The following PHLDB2 variants were observed in gnomAD, a reference collection of about 807,000 sequenced individuals.
The protein encoded by PHLDB2 is pleckstrin homology-like domain family B member 2.
Under a neutral mutation model 123.6 loss-of-function variants are expected in PHLDB2, and 71 were observed. The observed-to-expected ratio is 0.57, with a 90% confidence interval of 0.47 to 0.70. PHLDB2 has a LOEUF of 0.70. Ranked by LOEUF, PHLDB2 falls within the 30% of genes least tolerant of loss-of-function variation. The pLI is 0.00. For missense variants in PHLDB2, 1,446 were observed against 1,519.5 expected (o/e 0.95, Z 0.80); for synonymous variants, 547 against 541.6 (o/e 1.01, Z -0.14).
intron 2 of PHLDB2, among the ~76,000 whole-genome samples, chr3:111,895,181 A>G (rs944052268): frequency 6.6e-6 from 1 of 152,174 alleles, no homozygotes; most frequent in African/African-American, 2.4e-5. Flanking sequence ...GGGGAAACAG[A>G]GCTAAAGTCT....
At chr3:111,770,122 C>T (rs1355118299) in intron 1 of PHLDB2, among the ~76,000 whole-genome samples, 1 of 152,202 alleles carries the variant, frequency 6.6e-6, no homozygotes, top group African/African-American at 2.4e-5. Context: ...CAGAGCCACA[C>T]AGCTGAGAGT....
At chr3:111,927,953 C>G (rs1397442784) in intron 5 of PHLDB2, among the ~76,000 whole-genome samples, 1 of 152,198 alleles carries the variant, frequency 6.6e-6, no homozygotes, top group East Asian at 1.9e-4. Context: ...TTTTAACCAT[C>G]TAGCAGAATA....
At chr3:111,815,876 A>C (rs990342117) in intron 1 of PHLDB2, among the ~76,000 whole-genome samples, 2 of 152,178 alleles carry the variant, frequency 1.3e-5, no homozygotes, top group African/African-American at 4.8e-5. Flanking sequence ...CCTAGGAGGA[A>C]AAAGCAGTTT....
At chr3:111,947,534 A>G (rs2070394402) in intron 9 of PHLDB2, among the ~76,000 whole-genome samples, 1 of 152,276 alleles carries the variant, frequency 6.6e-6, no homozygotes, top group East Asian at 1.9e-4. Context: ...CCAGGTTTTA[A>G]AGCAGTTTAC....
chr3:111,834,154 TATATTATATATGTAATAGAATTATA>T, intron 1 of PHLDB2, among the ~76,000 whole-genome samples: 2 of 75,158 alleles, frequency 2.7e-5, no homozygotes, highest in Non-Finnish European at 5.3e-5. Flanking sequence ...TAGAATTATA[TATATTATATATGTAATAGAATTATA>T]TATATTATAT....
intron 1 of PHLDB2, among the ~76,000 whole-genome samples, chr3:111,762,357 C>T (rs543716892): frequency 1.5e-5 from 2 of 133,012 alleles, no homozygotes; most frequent in African/African-American, 6.1e-5. Flanking sequence ...ACTAGCATTA[C>T]CATATTATTA....
intron 1 of PHLDB2, among the ~76,000 whole-genome samples, chr3:111,873,870 G>A (rs1430554306): frequency 2.0e-5 from 3 of 152,122 alleles, no homozygotes; most frequent in African/African-American, 4.8e-5. Flanking sequence ...CTTGGACCCA[G>A]GAGGGCATAT....
At chr3:111,961,992 C>A (rs932829721) in intron 12 of PHLDB2, 116 bp from the exon 13 acceptor site, 1 of 963,152 alleles carries the variant, frequency 1.0e-6, no homozygotes, top group Non-Finnish European at 1.6e-6. Flanking sequence ...ACAAATTAGA[C>A]CAAGGCCCAA....
At chr3:111,835,103 C>T (rs1271856342) in intron 1 of PHLDB2, among the ~76,000 whole-genome samples, 1 of 152,106 alleles carries the variant, frequency 6.6e-6, no homozygotes, top group Non-Finnish European at 1.5e-5. Context: ...AGAGATTTAC[C>T]ATGAGCCTCT....
In PHLDB2 at chr3:111,911,822, T is replaced by A. The variant is rs1475888623; in HGVS notation, c.1336-1497T>A. The A allele has an allele frequency of 2.2e-5, 20 of 919,404 alleles. 1 individual carries two copies. In the Admixed American group the frequency reaches 4.0e-4, roughly 19 times the overall value. 57.0% of individuals were successfully genotyped at this position (919,404 alleles called of 1,614,324 possible). On this transcript the variant is annotated intron_variant, in intron 2 of 17. Transcript: ENST00000431670. ...GATTACTTTAGAGGGCAAATGTAAG[T>A]CAGATACACCTTAAATATCTGTCTT...
Position 111,782,093 on chromosome 3 carries a change from G to A in PHLDB2, c.-49+49390G>A, listed in dbSNP as rs374656407. Among the ~76,000 whole-genome samples the A allele has an allele frequency of 1.8e-4, 27 of 152,194 alleles. No homozygotes were observed. In the South Asian group the frequency reaches 1.9e-3, roughly 11 times the overall value. On this transcript the variant is annotated intron_variant, in intron 1 of 17. Transcript: ENST00000393923. ...TGACAGGATCCAAGGCCAGGGTCAA[G>A]ATATGGAGATAGGATGTAATAGAGA...
intron 10 of PHLDB2, among the ~76,000 whole-genome samples, chr3:111,951,222 T>C (rs1467541858): frequency 6.6e-6 from 1 of 152,196 alleles, no homozygotes; most frequent in Admixed American, 6.5e-5. Flanking sequence ...GGCCATGAAT[T>C]CTAGCTCTGC....
chr3:111,760,817 G>A (rs1213909618), intron 1 of PHLDB2, among the ~76,000 whole-genome samples: 1 of 152,088 alleles, frequency 6.6e-6, no homozygotes, highest in Non-Finnish European at 1.5e-5. Flanking sequence ...TATCTTTTGT[G>A]ATAAATTGTA....
Position 111,884,681 on chromosome 3 carries a change from C to G in PHLDB2, c.604C>G (p.Pro202Ala). 1 of 1,614,146 alleles carries G rather than the reference C, an allele frequency of 6.2e-7. No individual in the cohort carries two copies. Among genetic ancestry groups the G allele is most frequent in the Non-Finnish European group, 8.5e-7 (1 of 1,180,024 alleles). ...CAGCAGATCGGGAGCCGCAAGCATG[C>G]CTTCAAGCCCAAAGCAAGCCAGGAA... ...PISRSGAASMPSSPKQARKMS... is the reference protein window; with the variant it reads ...PISRSGAASMASSPKQARKMS... Residue 202 changes from proline (P) to alanine (A), a missense_variant, in exon 2 of 18, where the codon CCT (proline) becomes GCT (alanine). Physicochemically the swap from Pro to Ala is conservative, Grantham distance 27. Around this residue, in one of 3 missense-constraint regions of PHLDB2, gnomAD observed 832 missense variants for 831.9 expected, o/e 1.00. Transcript: ENST00000431670.
chr3:111,741,045 C>G (rs1383831755), intron 1 of PHLDB2, among the ~76,000 whole-genome samples: 1 of 152,162 alleles, frequency 6.6e-6, no homozygotes, highest in Non-Finnish European at 1.5e-5. Flanking sequence ...CAGCTGGCAC[C>G]TTTACAAGTT....
intron 2 of PHLDB2, among the ~76,000 whole-genome samples, chr3:111,849,355 G>C (rs1383121179): frequency 1.3e-5 from 2 of 152,000 alleles, no homozygotes; most frequent in South Asian, 2.1e-4. Flanking sequence ...AAATTTTTTA[G>C]AGAAGGGGTT....
chr3:111,886,923 T>G (rs1387005407), intron 2 of PHLDB2, among the ~76,000 whole-genome samples: 1 of 152,228 alleles, frequency 6.6e-6, no homozygotes, highest in Non-Finnish European at 1.5e-5. Context: ...GCAAATAGAA[T>G]GCTATACCAT....
intron 2 of PHLDB2, among the ~76,000 whole-genome samples, chr3:111,893,420 A>G (rs1264462944): frequency 6.6e-6 from 1 of 152,176 alleles, no homozygotes; most frequent in African/African-American, 2.4e-5. Flanking sequence ...GCTAAATTGC[A>G]GATGGTGTGA....
intron 2 of PHLDB2, among the ~76,000 whole-genome samples, chr3:111,894,003 G>A (rs1039485921): frequency 1.7e-4 from 25 of 145,816 alleles, no homozygotes; most frequent in Non-Finnish European, 9.0e-5. Flanking sequence ...CTGGTGTGCT[G>A]CACCCACTAA....
Sources: allele counts gnomAD v4.1 joint callset (sites outside exome capture counted in the v4.1 genomes callset), GRCh38; gene constraint gnomAD v4.1.1; regional missense constraint gnomAD v4.1.1; transcripts MANE v1.5; gene names NCBI Gene and HGNC (gene_info 2026-07-23, HGNC 2026-07-21).